PRSS57: variants seen among roughly 807,000 people sequenced by gnomAD.
PRSS57 encodes the protein serine protease 57.
In PRSS57, 19 loss-of-function variants were observed where a neutral mutation model predicts 20.6. The observed-to-expected ratio is 0.92, with a 90% CI of 0.64 to 1.35. The LOEUF (loss-of-function observed/expected upper bound fraction) is 1.35. Ranked by LOEUF, PRSS57 falls within the 40% of genes most tolerant of loss-of-function variation. PRSS57 has a pLI of 0.00. For synonymous variants in PRSS57, 203 were observed against 176.6 expected (o/e 1.15, Z -1.19); for missense variants, 440 against 403.7 (o/e 1.09, Z -0.77).
intron 4 of PRSS57, among the ~76,000 whole-genome samples, chr19:686,217 A>G (rs999594187): frequency 1.1e-4 from 16 of 151,928 alleles, no homozygotes; most frequent in African/African-American, 3.9e-4. Context: ...GCAGTGCACA[A>G]CCTACACAGC....
intron 2 of PRSS57, among the ~76,000 whole-genome samples, chr19:693,800 C>T (rs543407299): frequency 1.3e-5 from 2 of 151,846 alleles, no homozygotes; most frequent in East Asian, 1.9e-4. Flanking sequence ...AGTGCAGTGG[C>T]GCGATCTCGG....
At chr19:695,251 G>C in intron 1 of PRSS57, 101 bp downstream of exon 1, 1 of 535,432 alleles carries the variant, frequency 1.9e-6, no homozygotes, top group East Asian at 3.5e-5. Flanking sequence ...GGAGCAGGTG[G>C]AGCTCTCCCC....
At position 687,155 on chromosome 19, in the gene PRSS57, C is replaced by G. The variant is rs2031504754; in HGVS notation, c.412G>C (p.Gly138Arg). The G allele has an allele frequency of 3.1e-6, 5 of 1,592,376 alleles. No homozygotes were observed. The highest frequency in any genetic ancestry group is 4.3e-6 in the Non-Finnish European group (5 of 1,169,360). The change falls in exon 4 of 5, where the codon GGG (glycine) becomes CGG (arginine). Residue 138 changes from glycine (G) to arginine (R), a missense_variant. By Grantham distance (125) the Gly-to-Arg change is moderately radical. Coordinates refer to ENST00000329267, the MANE Select transcript of PRSS57 (RefSeq NM_001308209.2). ...CTTCTCCCTGGCGGCCTCAGCAGCC[C>G]CACTGCAGGGCCCAGGACAGCAGAG... is the stretch of plus-strand genomic sequence containing the variant. ...NGSAVLGPAVGLLRPPGRRAR... is the reference protein window; with the variant it reads ...NGSAVLGPAVRLLRPPGRRAR...
At position 685,758 on chromosome 19, in the gene PRSS57, G is replaced by T. The variant is rs761278584; in HGVS notation, c.807C>A (p.Gly269=). Residue 269 remains glycine, a synonymous_variant, in exon 5 of 5, where the codon GGC becomes GGA. Transcript: ENST00000329267. ...GGGGCCTGGTGGTCCCAGGCAGGGG[G>T]CCGGGCTGGGGACTGCTCCGCCGAA... is the stretch of plus-strand genomic sequence containing the variant. ...DVVRRSSPQP[G]PLPGTTRPPG... is the part of the protein sequence containing the mutation. 2 of 1,561,686 alleles carry T rather than the reference G, an allele frequency of 1.3e-6. No homozygotes were observed. The highest frequency in any genetic ancestry group is 2.3e-5 in the South Asian group (2 of 85,352).
chr19:693,173 C>T (rs934435804), intron 2 of PRSS57, among the ~76,000 whole-genome samples: 1 of 151,484 alleles, frequency 6.6e-6, no homozygotes, highest in Non-Finnish European at 1.5e-5. Flanking sequence ...CCTCGTGATC[C>T]GCCTGCCTCG....
At position 687,129 on chromosome 19, in the gene PRSS57, C is replaced by A; in HGVS notation, c.438G>T (p.Arg146Ser). 1 of 1,608,940 alleles carries A rather than the reference C, an allele frequency of 6.2e-7. No homozygotes were observed. Among genetic ancestry groups the A allele is most frequent in the Non-Finnish European group, 8.5e-7 (1 of 1,177,544 alleles). The change falls in exon 4 of 5, where the codon AGG becomes AGT. Residue 146 changes from arginine (R) to serine (S), a missense_variant. Coordinates refer to ENST00000329267, the MANE Select transcript of PRSS57 (RefSeq NM_001308209.2). ...AVGLLRPPGR[R>S]ARPPTAGTRC... ...GTGTCCCCGCTGTGGGGGGCCTGGC[C>A]CTTCTCCCTGGCGGCCTCAGCAGCC... is the stretch of plus-strand genomic sequence containing the variant.
rs776563968 is a variant in PRSS57 at position 694,958 on chromosome 19, C to A, written c.89G>T (p.Gly30Val). The change falls in exon 2 of 5, where the codon GGG becomes GTG. Residue 30 changes from glycine to valine, a missense_variant. Coordinates refer to ENST00000329267, the MANE Select transcript of PRSS57 (RefSeq NM_001308209.2). ...CTCGTGGCCCCCGATGATCTGGGCC[C>A]CCCAGGAGCCTGCTGGAGGGACGGC... ...MLPVKPPGSW[G>V]AQIIGGHEVT... The A allele has an allele frequency of 3.3e-5, 51 of 1,544,978 alleles. No homozygotes were observed. In the East Asian group the frequency reaches 1.2e-3, roughly 36 times the overall value.
chr19:695,127 C>G (rs751244839), intron 1 of PRSS57, among the ~76,000 whole-genome samples, 160 bp from the exon 2 acceptor site: 3 of 152,142 alleles, frequency 2.0e-5, no homozygotes, highest in Admixed American at 6.5e-5. Flanking sequence ...ACAAGCCCCC[C>G]AGATGCGCTG....
intron 4 of PRSS57, 56 bp downstream of exon 4, chr19:686,869 C>T: frequency 6.4e-7 from 1 of 1,569,434 alleles, no homozygotes; most frequent in Non-Finnish European, 8.7e-7. Context: ...CTGACCCTCT[C>T]TGTGGGCCTT....
rs184309968 is a variant in PRSS57, at chr19:695,421, C to T, written c.10G>A (p.Gly4Arg). 9.2e-5 allele frequency: 117 copies of T among 1,267,098 alleles called. No homozygotes were observed. In the East Asian group the frequency reaches 2.5e-3, roughly 27 times the overall value. The allele number at this position is 1,267,098 out of a possible 1,614,324, so 78.5% of individuals were successfully genotyped here. Reference protein sequence around the residue: MGLGLRGWGRPLLT... With the variant: MGLRLRGWGRPLLT... ...AGAGGACGTCCCCAGCCCCTCAACC[C>T]GAGCCCCATGGCAGACGCAGGCTGG... The change falls in exon 1 of 5, where the codon GGG (glycine) becomes AGG (arginine). Residue 4 changes from glycine (G) to arginine (R), a missense_variant. Transcript: ENST00000329267.
chr19:691,928 C>T lies in PRSS57; in HGVS notation c.308G>A (p.Gly103Asp), dbSNP rs759832541. ...STAEPTQQVF[G>D]IDALTTHPDY... ...GGGGTGTGTGGTGAGAGCATCGATGCCAAACACCTGCTGGGTGGGCTCCGC... is the reference window on the plus strand; with the variant it reads ...GGGGTGTGTGGTGAGAGCATCGATGTCAAACACCTGCTGGGTGGGCTCCGC... Residue 103 changes from glycine to aspartate, a missense_variant, in exon 3 of 5, where the codon GGC becomes GAC. Transcript: ENST00000329267. 1.6e-5 allele frequency: 21 copies of T among 1,335,704 alleles called. No homozygotes were observed. The highest frequency in any genetic ancestry group is 2.0e-5 in the Non-Finnish European group (21 of 1,033,706). 82.7% of individuals were successfully genotyped at this position (1,335,704 alleles called of 1,614,324 possible). A position where few individuals can be genotyped will look rare whatever the true frequency, so the allele number is the denominator to read the frequency against.
intron 4 of PRSS57, among the ~76,000 whole-genome samples, chr19:686,281 A>C (rs1311126351): frequency 6.6e-6 from 1 of 151,966 alleles, no homozygotes. Context: ...GTGTTTCCTC[A>C]GATCTTCTAA....
At chr19:688,344 C>CTTTTTTTTTTTTTTTTTT (rs370305351) in intron 3 of PRSS57, among the ~76,000 whole-genome samples, 1 of 143,528 alleles carries the variant, frequency 7.0e-6, no homozygotes, top group African/African-American at 2.6e-5. Flanking sequence ...GCTCCTCCTC[C>CTTTTTTTTTTTTTTTTTT]TTTTTTTTTT....
chr19:686,835 C>T, intron 4 of PRSS57, 90 bp downstream of exon 4: 1 of 1,462,862 alleles, frequency 6.8e-7, no homozygotes, highest in Non-Finnish European at 9.3e-7. Flanking sequence ...CAATGGGACT[C>T]AGTTCCCAAG....
intron 2 of PRSS57, among the ~76,000 whole-genome samples, chr19:694,298 C>T (rs895505642): frequency 2.0e-5 from 3 of 149,664 alleles, no homozygotes; most frequent in African/African-American, 4.9e-5. Context: ...CAGGGCATGG[C>T]GGCTCACACC....
chr19:693,607 C>G (rs1307423183), intron 2 of PRSS57, among the ~76,000 whole-genome samples: 3 of 152,174 alleles, frequency 2.0e-5, no homozygotes, highest in Non-Finnish European at 4.4e-5. Flanking sequence ...CTCACTCTTT[C>G]CCCTAGGCTG....
rs1022370132 is a variant in PRSS57 at position 685,561 on chromosome 19, A to G, written c.*155T>C. The G allele has an allele frequency of 4.3e-6, 3 of 698,928 alleles. No individual in the cohort carries two copies. Among genetic ancestry groups the G allele is most frequent in the Non-Finnish European group, 6.9e-6 (3 of 433,584 alleles). 43.3% of individuals were successfully genotyped at this position (698,928 alleles called of 1,614,324 possible). On this transcript the variant is annotated 3_prime_UTR_variant, in exon 5 of 5. Transcript: ENST00000329267. Reference sequence around the variant, plus strand: ...GAGGCTGGAAGTCAGTTAACATTTTACTGGGTTTGCTTCTGCCCTTTGCAT... The same window carrying G: ...GAGGCTGGAAGTCAGTTAACATTTTGCTGGGTTTGCTTCTGCCCTTTGCAT...
At chr19:690,770 G>C in intron 3 of PRSS57, 1 of 347,518 alleles carries the variant, frequency 2.9e-6, no homozygotes, top group Non-Finnish European at 5.5e-6. Flanking sequence ...CATCGGGGCC[G>C]TCATCCTGGC....
At position 685,744 on chromosome 19, in the gene PRSS57, G is replaced by T. The variant is rs772630903; in HGVS notation, c.821C>A (p.Thr274Asn). Residue 274 changes from threonine (T) to asparagine (N), a missense_variant, in exon 5 of 5, where the codon ACC becomes AAC. By Grantham distance (65) the Thr-to-Asn change is moderately conservative. Coordinates refer to ENST00000329267, the MANE Select transcript of PRSS57 (RefSeq NM_001308209.2). Reference sequence around the variant, plus strand: ...GGCGGCTTCTCCTGGGGGCCTGGTGGTCCCAGGCAGGGGGCCGGGCTGGGG... The same window carrying T: ...GGCGGCTTCTCCTGGGGGCCTGGTGTTCCCAGGCAGGGGGCCGGGCTGGGG... ...SSPQPGPLPGTTRPPGEAA is the reference protein window; with the variant it reads ...SSPQPGPLPGNTRPPGEAA The T allele has an allele frequency of 6.4e-6, 10 of 1,556,208 alleles. No individual in the cohort carries two copies. The highest frequency in any genetic ancestry group is 1.8e-4 in the Middle Eastern group (1 of 5,526).
Sources: gnomAD v4.1 joint callset for allele counts (sites outside exome capture counted in the v4.1 genomes callset) on GRCh38, gnomAD v4.1.1 for gene constraint, MANE v1.5 for transcripts, NCBI Gene and HGNC (gene_info 2026-07-23, HGNC 2026-07-21) for gene names.